PPIF: variants seen among roughly 807,000 people sequenced by gnomAD.
The protein encoded by PPIF is peptidyl-prolyl cis-trans isomerase F, mitochondrial.
A neutral mutation model predicts 20.2 loss-of-function variants in PPIF; 23 were observed. The observed-to-expected ratio is 1.14, with a 90% CI of 0.82 to 1.61. The LOEUF (loss-of-function observed/expected upper bound fraction) is 1.61, where lower values mean the gene tolerates loss of function less well. Among genes scored for constraint, PPIF ranks in the 40% most tolerant of loss-of-function variants. PPIF has a pLI of 0.00. For missense variants in PPIF, 287 were observed against 291.6 expected, an observed-to-expected ratio of 0.98 and a Z score of 0.11; for synonymous variants, 113 against 123.1, an observed-to-expected ratio of 0.92 and a Z score of 0.54.
In PPIF at chr10:79,354,011, C is replaced by A; in HGVS notation, c.*169C>A. Reference sequence around the variant, plus strand: ...GTTAGACCTCGGCCAGGACCCACCACATTGCTTCCTAATACCCACCCTTCC... The same window carrying A: ...GTTAGACCTCGGCCAGGACCCACCAAATTGCTTCCTAATACCCACCCTTCC... On this transcript the variant is annotated 3_prime_UTR_variant, in exon 6 of 6. Transcript: ENST00000225174. 1 of 714,164 alleles carries A rather than the reference C, an allele frequency of 1.4e-6. No homozygotes were observed. Among genetic ancestry groups the A allele is most frequent in the Non-Finnish European group, 2.3e-6 (1 of 438,884 alleles). 44.2% of individuals were successfully genotyped at this position (714,164 alleles called of 1,614,324 possible). A position where few individuals can be genotyped will look rare whatever the true frequency, so the allele number is the denominator to read the frequency against.
rs1412304576 is a variant in PPIF at position 79,347,532 on chromosome 10, C to T, written c.-17C>T. On this transcript the variant is annotated 5_prime_UTR_variant, in exon 1 of 6. Coordinates refer to ENST00000225174, the MANE Select transcript of PPIF (RefSeq NM_005729.4). ...CTGTGTTCTCCCCGCCCGTGTCCCG[C>T]CCGACCCGCGCCCGCGATGCTGGCG... The T allele has an allele frequency of 3.9e-6, 5 of 1,297,794 alleles. No individual in the cohort carries two copies. Among genetic ancestry groups the T allele is most frequent in the Non-Finnish European group, 4.9e-6 (5 of 1,028,516 alleles). The allele number at this position is 1,297,794 out of a possible 1,614,324, so 80.4% of individuals were successfully genotyped here. A position where few individuals can be genotyped will look rare whatever the true frequency, so the allele number is the denominator to read the frequency against.
At chr10:79,352,591 C>G (rs943972732) in intron 5 of PPIF, among the ~76,000 whole-genome samples, 199 bp downstream of exon 5, 1 of 152,236 alleles carries the variant, frequency 6.6e-6, no homozygotes, top group Non-Finnish European at 1.5e-5. Context: ...TCCTGCAACT[C>G]TGTCATGGTT....
chr10:79,348,744 C>T (rs949752347), intron 1 of PPIF, among the ~76,000 whole-genome samples: 4 of 152,186 alleles, frequency 2.6e-5, no homozygotes, highest in African/African-American at 9.7e-5. Flanking sequence ...CTACCTTAGA[C>T]ACACTCTCTT....
chr10:79,352,512 T>C lies in PPIF; in HGVS notation c.488+120T>C. On this transcript the variant is annotated intron_variant, in intron 5 of 5. Coordinates refer to ENST00000225174, the MANE Select transcript of PPIF (RefSeq NM_005729.4). ...GCCTTCTGCTCTGGGACAGTGGCCC[T>C]CTCCCAGGCTGTGTGTTTGTATGAG... 3.1e-6 allele frequency: 3 copies of C among 969,444 alleles called. No individual in the cohort carries two copies. The Admixed American group carries it at 6.2e-5, about 20-fold the overall frequency. 60.1% of individuals were successfully genotyped at this position (969,444 alleles called of 1,614,324 possible).
rs922713160 is a variant in PPIF at position 79,349,658 on chromosome 10, C to T, written c.227-7C>T. On this transcript the variant is annotated splice_region_variant and splice_polypyrimidine_tract_variant and intron_variant, in intron 2 of 5. Coordinates refer to ENST00000225174, the MANE Select transcript of PPIF (RefSeq NM_005729.4). ...CCTGTTGACCTGTGTTTCTCTTCGA[C>T]CCTCAGAGAACTTCAGAGCCCTGTG... 11 of 1,612,918 alleles carry T rather than the reference C, an allele frequency of 6.8e-6. No individual in the cohort carries two copies. The highest frequency in any genetic ancestry group is 1.3e-5 in the African/African-American group (1 of 74,910).
chr10:79,351,621 G>T (rs772971917), intron 4 of PPIF, 38 bp downstream of exon 4: 1 of 1,587,544 alleles, frequency 6.3e-7, no homozygotes, highest in Non-Finnish European at 8.6e-7. Context: ...TGTCCCCACA[G>T]CTCTGACCTG....
Position 79,353,866 on chromosome 10 carries a change from G to T in PPIF, c.*24G>T. The T allele has an allele frequency of 6.2e-7, 1 of 1,611,366 alleles. No individual in the cohort carries two copies. The highest frequency in any genetic ancestry group is 8.5e-7 in the Non-Finnish European group (1 of 1,178,162). On this transcript the variant is annotated 3_prime_UTR_variant, in exon 6 of 6. Transcript: ENST00000225174. ...AATCTGTGGCCAGGGTGCTGGCATGGTGGCAGCTGCAAATGTCCATGCACC... is the reference window on the plus strand; with the variant it reads ...AATCTGTGGCCAGGGTGCTGGCATGTTGGCAGCTGCAAATGTCCATGCACC...
chr10:79,349,573 G>C, intron 2 of PPIF, 92 bp from the exon 3 acceptor site: 1 of 1,569,170 alleles, frequency 6.4e-7, no homozygotes, highest in East Asian at 2.3e-5. Flanking sequence ...CCTGTTCACT[G>C]CTGGGGATGT....
rs545657290 is a variant in PPIF, at chr10:79,348,711, G to A, written c.196-365G>A. The stretch of plus-strand genomic sequence containing the variant: ...CCCTGGGCCTCAGTTTCCCAACCCC[G>A]AATGGAGGAGCTGGTCTGGCTTCTA... On this transcript the variant is annotated intron_variant, in intron 1 of 5. Transcript: ENST00000225174. 3.3e-5 allele frequency among the ~76,000 whole-genome samples: 5 copies of A among 152,204 alleles called. No homozygotes were observed. In the East Asian group the frequency reaches 5.8e-4, roughly 18 times the overall value.
At chr10:79,349,639 G>C in intron 2 of PPIF, 26 bp from the exon 3 acceptor site, 1 of 1,612,446 alleles carries the variant, frequency 6.2e-7, no homozygotes, top group South Asian at 1.1e-5. Flanking sequence ...TGGCCCTGTT[G>C]ACCTGTGTTT....
intron 5 of PPIF, 104 bp from the exon 6 acceptor site, chr10:79,353,603 C>A: frequency 6.3e-7 from 1 of 1,587,556 alleles, no homozygotes; most frequent in South Asian, 1.1e-5. Flanking sequence ...CATGGGGATT[C>A]TTTTCAGAAT....
At chr10:79,350,029 G>A (rs931905926) in intron 3 of PPIF, 7 of 563,252 alleles carry the variant, frequency 1.2e-5, no homozygotes, top group Admixed American at 1.0e-4. Flanking sequence ...GGATGTGCTG[G>A]GGGTGGCCTT....
intron 5 of PPIF, 160 bp from the exon 6 acceptor site, chr10:79,353,547 C>T (rs1030663308): frequency 3.7e-5 from 47 of 1,284,870 alleles, no homozygotes; most frequent in Admixed American, 2.4e-4. Context: ...GTATTTGGGG[C>T]GCTCAACAAG....
In PPIF at chr10:79,348,991, TG is replaced by T. The variant is rs1027458104; in HGVS notation, c.196-80del. 10 of 1,612,006 alleles carry T rather than the reference TG, an allele frequency of 6.2e-6. No individual in the cohort carries two copies. In the African/African-American group the frequency reaches 1.3e-4, roughly 22 times the overall value. ...TCTTCCTTAGCCTCCTTGGCCACTG[TG>T]GGGGTGGGTGGGTGCTGAGAGACAC... On this transcript the variant is annotated intron_variant, in intron 1 of 5. Coordinates refer to ENST00000225174, the MANE Select transcript of PPIF (RefSeq NM_005729.4).
intron 2 of PPIF, 101 bp downstream of exon 2, chr10:79,349,207 C>T: frequency 6.2e-7 from 1 of 1,605,814 alleles, no homozygotes; most frequent in East Asian, 2.2e-5. Flanking sequence ...CTCAGAGACC[C>T]CTGACAGATG....
rs1164043564 is a variant in PPIF, at chr10:79,354,144, A to T, written c.*302A>T. ...ATTCATCTGTGCCTTGGACATGGTG[A>T]TGGTGATGGGTTGCCATCCAAGTGA... On this transcript the variant is annotated 3_prime_UTR_variant, in exon 6 of 6. Coordinates refer to ENST00000225174, the MANE Select transcript of PPIF (RefSeq NM_005729.4). 2.6e-6 allele frequency: 1 copy of T among 388,540 alleles called. No individual in the cohort carries two copies. The highest frequency in any genetic ancestry group is 4.7e-6 in the Non-Finnish European group (1 of 211,082). The allele number at this position is 388,540 out of a possible 1,614,324, so 24.1% of individuals were successfully genotyped here.
chr10:79,347,893 G>A, intron 1 of PPIF, 150 bp downstream of exon 1: 1 of 1,188,702 alleles, frequency 8.4e-7, no homozygotes, highest in Non-Finnish European at 1.1e-6. Flanking sequence ...CTGAGAATGG[G>A]CGTCAGAATG....
In PPIF at chr10:79,352,356, G is replaced by C. The variant is rs1188109922; in HGVS notation, c.452G>C (p.Gly151Ala). The C allele has an allele frequency of 6.2e-7, 1 of 1,614,174 alleles. No individual in the cohort carries two copies. Reference protein sequence around the residue: ...SMANAGPNTNGSQFFICTIKT... With the variant: ...SMANAGPNTNASQFFICTIKT... ...GCTAATGCTGGTCCTAACACCAACG[G>C]CTCCCAGTTCTTCATCTGCACCATA... The change falls in exon 5 of 6, where the codon GGC becomes GCC. Residue 151 changes from glycine to alanine, a missense_variant. Physicochemically the swap from Gly to Ala is moderately conservative, Grantham distance 60 (BLOSUM62 0). Transcript: ENST00000225174.
rs1173398616 is a variant in PPIF at position 79,353,813 on chromosome 10, G to A, written c.595G>A (p.Val199Ile). ...GAGTGGGAGGACATCCAAGAAGATT[G>A]TCATCACAGACTGTGGCCAGTTGAG... ...SKSGRTSKKIVITDCGQLS is the reference protein window; with the variant it reads ...SKSGRTSKKIIITDCGQLS Residue 199 changes from valine (V) to isoleucine (I), a missense_variant, in exon 6 of 6, where the codon GTC becomes ATC. Physicochemically the swap from Val to Ile is conservative, Grantham distance 29. Coordinates refer to ENST00000225174, the MANE Select transcript of PPIF (RefSeq NM_005729.4). 2 of 1,614,234 alleles carry A rather than the reference G, an allele frequency of 1.2e-6. No homozygotes were observed. The highest frequency in any genetic ancestry group is 1.7e-6 in the Non-Finnish European group (2 of 1,180,048).
Sources: allele counts gnomAD v4.1 joint callset (sites outside exome capture counted in the v4.1 genomes callset), GRCh38; gene constraint gnomAD v4.1.1; transcripts MANE v1.5; gene names NCBI Gene and HGNC (gene_info 2026-07-23, HGNC 2026-07-21).